DYNAP: variants seen among roughly 807,000 people sequenced by gnomAD.
The protein encoded by DYNAP is dynactin-associated protein.
In DYNAP, 7 loss-of-function variants were observed where a neutral mutation model predicts 8.5. That is an observed-to-expected ratio of 0.82 (90% confidence interval 0.47 to 1.54). The LOEUF is 1.54. DYNAP is among the 40% of genes most tolerant of loss of function. The probability of loss-of-function intolerance (pLI) is 0.01; values close to 1 mark genes in which losing one functional copy is unlikely to be tolerated. For synonymous variants in DYNAP, 77 were observed against 77.9 expected (o/e 0.99, Z 0.06); for missense variants, 256 against 224.3 (o/e 1.14, Z -0.90).
chr18:54,599,247 CT>C lies in DYNAP; in HGVS notation c.*1103del, dbSNP rs1183997529. On this transcript the variant is annotated 3_prime_UTR_variant, in exon 3 of 3. Transcript: ENST00000648945. ...TCTTAAAATATTTTACAGAGTTTGACTCTTTTTGTCAACACATCCGAACCTG... is the reference window on the plus strand; with the variant it reads ...TCTTAAAATATTTTACAGAGTTTGACCTTTTTGTCAACACATCCGAACCTG... 6.6e-6 allele frequency: 1 copy of C among 152,110 alleles called. No homozygotes were observed. The highest frequency in any genetic ancestry group is 1.9e-4 in the East Asian group (1 of 5,190). The allele number at this position is 152,110 out of a possible 1,614,324, so 9.4% of individuals were successfully genotyped here.
At chr18:54,578,702 A>G in the DYNAP span, among the ~76,000 whole-genome samples, 1 of 152,230 alleles carries the variant, frequency 6.6e-6, no homozygotes, top group African/African-American at 2.4e-5. Flanking sequence ...ATGGCTTTTA[A>G]TATAATAGAA....
chr18:54,597,191 C>T (rs1245257401), intron 2 of DYNAP, among the ~76,000 whole-genome samples: 1 of 151,878 alleles, frequency 6.6e-6, no homozygotes, highest in African/African-American at 2.4e-5. Context: ...TTTTAATCTT[C>T]TCAACAACAA....
the DYNAP span, among the ~76,000 whole-genome samples, chr18:54,579,769 C>T: frequency 1.3e-5 from 2 of 152,190 alleles, no homozygotes; most frequent in Non-Finnish European, 2.9e-5. Flanking sequence ...TCTGAATCCT[C>T]ACTTCTCTGA....
chr18:54,579,993 G>C, the DYNAP span, among the ~76,000 whole-genome samples: 1 of 152,144 alleles, frequency 6.6e-6, no homozygotes, highest in South Asian at 2.1e-4. Context: ...ATGAAATAAA[G>C]TAACACTTGA....
intron 1 of DYNAP, among the ~76,000 whole-genome samples, chr18:54,594,369 T>G (rs1911199838): frequency 6.6e-6 from 1 of 152,122 alleles, no homozygotes; most frequent in Non-Finnish European, 1.5e-5. Context: ...TGTGTAAGAA[T>G]TTTTCACTAG....
chr18:54,591,442 A>G, intron 1 of DYNAP, 103 bp downstream of exon 1: 1 of 1,336,878 alleles, frequency 7.5e-7, no homozygotes, highest in Non-Finnish European at 9.9e-7. Flanking sequence ...CCAACATCAT[A>G]ATTTTGCATT....
At position 54,597,948 on chromosome 18, in the gene DYNAP, A is replaced by G. The variant is rs1436086733; in HGVS notation, c.358A>G (p.Ile120Val). 3 of 1,613,560 alleles carry G rather than the reference A, an allele frequency of 1.9e-6. No homozygotes were observed. In the South Asian group the frequency reaches 3.3e-5, roughly 18 times the overall value. Residue 120 changes from isoleucine to valine, a missense_variant, in exon 3 of 3, where the codon ATT becomes GTT. Physicochemically the swap from Ile to Val is conservative, Grantham distance 29. Transcript: ENST00000648945. ...TAACAAAGGATCGGCCAATTCCTCC[A>G]TTGTTATCCAGCTATCCACAAATGA... is the stretch of plus-strand genomic sequence containing the variant. ...VNNKGSANSS[I>V]VIQLSTNDGE...
At chr18:54,597,572 A>G (rs1909058275) in intron 2 of DYNAP, among the ~76,000 whole-genome samples, 1 of 152,116 alleles carries the variant, frequency 6.6e-6, no homozygotes, top group African/African-American at 2.4e-5. Context: ...TAAAAAGAAA[A>G]AAGACAAATG....
upstream of DYNAP, among the ~76,000 whole-genome samples, chr18:54,590,197 A>G (rs1174308241): frequency 6.6e-6 from 1 of 152,038 alleles, no homozygotes; most frequent in Non-Finnish European, 1.5e-5. Flanking sequence ...CTGGCAACCA[A>G]CATTCTACTT....
chr18:54,587,543 A>G (rs1477691789), upstream of DYNAP, among the ~76,000 whole-genome samples: 1 of 152,162 alleles, frequency 6.6e-6, no homozygotes, highest in Admixed American at 6.5e-5. Context: ...ACACATTAAT[A>G]TTTTTTGTAA....
chr18:54,578,756 A>G, the DYNAP span, among the ~76,000 whole-genome samples: 102 of 152,224 alleles, frequency 6.7e-4, no homozygotes, highest in Admixed American at 2.9e-3. Flanking sequence ...CATAATTTTA[A>G]TGGTTCAGGA....
At chr18:54,579,260 T>C in the DYNAP span, among the ~76,000 whole-genome samples, 1 of 152,248 alleles carries the variant, frequency 6.6e-6, no homozygotes, top group South Asian at 2.1e-4. Flanking sequence ...AATAATAATA[T>C]GCAGTTAAAA....
At chr18:54,580,104 C>T in the DYNAP span, among the ~76,000 whole-genome samples, 1 of 152,204 alleles carries the variant, frequency 6.6e-6, no homozygotes, top group Admixed American at 6.5e-5. Context: ...TGCATTTCAG[C>T]TGCACTGAAT....
intron 1 of DYNAP, among the ~76,000 whole-genome samples, chr18:54,592,672 A>C (rs6567107): frequency 0.51 from 76,756 of 151,916 alleles, 19,888 homozygotes; most frequent in East Asian, 0.69. Flanking sequence ...AATGCTGATT[A>C]TGCTAATGCT....
intron 2 of DYNAP, among the ~76,000 whole-genome samples, chr18:54,595,588 T>C (rs1339891813): frequency 6.6e-6 from 1 of 152,260 alleles, no homozygotes; most frequent in Middle Eastern, 3.4e-3. Context: ...GGTTCTGGCC[T>C]CTGGTGTATA....
In DYNAP at chr18:54,597,828, C is replaced by A; in HGVS notation, c.238C>A (p.Arg80Ser). The A allele has an allele frequency of 6.2e-7, 1 of 1,605,510 alleles. No individual in the cohort carries two copies. The change falls in exon 3 of 3, where the codon CGC (arginine) becomes AGC (serine). Residue 80 changes from arginine (R) to serine (S), a missense_variant. Coordinates refer to ENST00000648945, the MANE Select transcript of DYNAP (RefSeq NM_173629.3). Reference protein sequence around the residue: ...SCNTQVKEYCRNDWSMWKVFL... With the variant: ...SCNTQVKEYCSNDWSMWKVFL... ...ACATGCTTAGGTAAAAGAATATTGC[C>A]GCAATGACTGGTCTATGTGGAAAGT...
intron 1 of DYNAP, among the ~76,000 whole-genome samples, chr18:54,592,474 A>G (rs1283815931): frequency 2.0e-5 from 3 of 152,152 alleles, no homozygotes; most frequent in Non-Finnish European, 4.4e-5. Flanking sequence ...ACCAAATTCA[A>G]TAATGGAATT....
intron 1 of DYNAP, among the ~76,000 whole-genome samples, chr18:54,594,660 C>T (rs1911210085): frequency 1.3e-5 from 2 of 152,112 alleles, no homozygotes; most frequent in Non-Finnish European, 2.9e-5. Flanking sequence ...ATATGCTCCA[C>T]ATACAGCAGC....
chr18:54,578,121 G>A, the DYNAP span, among the ~76,000 whole-genome samples: 119 of 152,292 alleles, frequency 7.8e-4, no homozygotes, highest in African/African-American at 2.8e-3. Flanking sequence ...TCCTGGAGAG[G>A]GAGAATGGTC....
Sources: allele counts gnomAD v4.1 joint callset (sites outside exome capture counted in the v4.1 genomes callset), GRCh38; gene constraint gnomAD v4.1.1; transcripts MANE v1.5; gene names NCBI Gene and HGNC (gene_info 2026-07-23, HGNC 2026-07-21).